SDK1: variants seen among roughly 807,000 people sequenced by gnomAD.
The protein encoded by SDK1 is sidekick cell adhesion molecule 1.
In SDK1, 157 loss-of-function variants were observed where a neutral mutation model predicts 245.5. The ratio of observed to expected loss-of-function variants is 0.64; its 90% CI spans 0.56 to 0.73. SDK1 has a LOEUF of 0.73. Ranked by LOEUF, SDK1 falls within the 30% of genes least tolerant of loss-of-function variation. SDK1 has a pLI of 0.00. For missense variants in SDK1, 3,583 were observed against 3,002.3 expected (o/e 1.19, Z -4.52); for synonymous variants, 1,647 against 1,278.5 (o/e 1.29, Z -6.15).
At chr7:3,501,132 C>A (rs1201324911) in intron 1 of SDK1, among the ~76,000 whole-genome samples, 1 of 152,134 alleles carries the variant, frequency 6.6e-6, no homozygotes, top group Non-Finnish European at 1.5e-5. Context: ...AAGTCTTGAG[C>A]ATGCAGATTA....
chr7:3,833,926 A>T (rs1204547380), intron 5 of SDK1, among the ~76,000 whole-genome samples: 1 of 152,192 alleles, frequency 6.6e-6, no homozygotes, highest in Non-Finnish European at 1.5e-5. Context: ...ATGGATATTA[A>T]GCCATGTTGC....
chr7:3,578,388 G>A (rs1314723992), intron 1 of SDK1, among the ~76,000 whole-genome samples: 1 of 151,958 alleles, frequency 6.6e-6, no homozygotes, highest in Non-Finnish European at 1.5e-5. Context: ...ACAGGACAAG[G>A]CAAAACAGAA....
At chr7:3,671,016 C>T (rs762643907) in intron 4 of SDK1, among the ~76,000 whole-genome samples, 2 of 152,148 alleles carry the variant, frequency 1.3e-5, no homozygotes, top group Non-Finnish European at 2.9e-5. Flanking sequence ...TAAAACAGTT[C>T]ATTGCATAAC....
At chr7:4,138,955 C>G (rs1779278476) in intron 28 of SDK1, among the ~76,000 whole-genome samples, 1 of 152,200 alleles carries the variant, frequency 6.6e-6, no homozygotes, top group Admixed American at 6.5e-5. Flanking sequence ...GCTGCCGGAG[C>G]CTGCTAGGTT....
chr7:3,821,119 T>C (rs1562468402), intron 4 of SDK1, among the ~76,000 whole-genome samples: 1 of 152,146 alleles, frequency 6.6e-6, no homozygotes, highest in Non-Finnish European at 1.5e-5. Context: ...TAACTGGTCT[T>C]GTTATGCATT....
intron 2 of SDK1, among the ~76,000 whole-genome samples, chr7:3,623,290 C>T (rs1348967745): frequency 2.0e-5 from 3 of 149,546 alleles, no homozygotes; most frequent in Non-Finnish European, 4.4e-5. Context: ...CTCTGTTGCC[C>T]AGGCTGATGT....
chr7:3,758,863 A>C (rs1235662135), intron 4 of SDK1, among the ~76,000 whole-genome samples: 2 of 152,198 alleles, frequency 1.3e-5, no homozygotes, highest in Non-Finnish European at 2.9e-5. Flanking sequence ...ATGTATACAC[A>C]CAAGTCTCTG....
intron 34 of SDK1, 77 bp from the exon 35 acceptor site, chr7:4,178,408 T>G: frequency 9.5e-7 from 1 of 1,052,642 alleles, no homozygotes; most frequent in Non-Finnish European, 1.5e-6. Flanking sequence ...TGCTTCATTG[T>G]GGTTCATAGG....
chr7:3,528,779 G>A (rs2128617337), intron 1 of SDK1, among the ~76,000 whole-genome samples: 1 of 152,212 alleles, frequency 6.6e-6, no homozygotes, highest in South Asian at 2.1e-4. Flanking sequence ...TTTGCCCTGA[G>A]CAATGGGGTG....
chr7:4,165,961 A>G (rs539774400), intron 32 of SDK1, among the ~76,000 whole-genome samples: 2 of 151,786 alleles, frequency 1.3e-5, no homozygotes, highest in East Asian at 2.0e-4. Context: ...TACTTCTTCA[A>G]AAAATTTCAT....
chr7:4,196,930 A>G (rs1783614490), intron 35 of SDK1, among the ~76,000 whole-genome samples: 1 of 152,262 alleles, frequency 6.6e-6, no homozygotes, highest in Non-Finnish European at 1.5e-5. Flanking sequence ...TGCTAAGGCC[A>G]TAGCTAGGAA....
intron 4 of SDK1, among the ~76,000 whole-genome samples, chr7:3,722,764 A>T (rs764485886): frequency 6.6e-6 from 1 of 152,192 alleles, no homozygotes; most frequent in Non-Finnish European, 1.5e-5. Context: ...CGGGTGGCTC[A>T]GCACCGCCCT....
chr7:4,002,489 A>T (rs1165061402), intron 14 of SDK1, among the ~76,000 whole-genome samples: 1 of 152,184 alleles, frequency 6.6e-6, no homozygotes, highest in Non-Finnish European at 1.5e-5. Context: ...AGTCTCCAAA[A>T]ACGTGAAAGT....
intron 41 of SDK1, among the ~76,000 whole-genome samples, chr7:4,235,752 G>A (rs934429984): frequency 4.0e-4 from 61 of 152,312 alleles, no homozygotes; most frequent in African/African-American, 1.4e-3. Context: ...TCCATCAGAC[G>A]CAGAGCTGGC....
At chr7:3,576,381 G>A (rs142335117) in intron 1 of SDK1, among the ~76,000 whole-genome samples, 14 of 152,074 alleles carry the variant, frequency 9.2e-5, no homozygotes, top group East Asian at 3.9e-4. Flanking sequence ...AGTGAGATAA[G>A]CTGTGTGTTA....
At chr7:3,730,765 C>G (rs1779152942) in intron 4 of SDK1, among the ~76,000 whole-genome samples, 1 of 152,128 alleles carries the variant, frequency 6.6e-6, no homozygotes, top group Non-Finnish European at 1.5e-5. Flanking sequence ...GGAAGAGCCT[C>G]AGACATAGCA....
intron 1 of SDK1, among the ~76,000 whole-genome samples, chr7:3,559,008 A>C (rs1172227688): frequency 2.0e-5 from 3 of 152,152 alleles, no homozygotes; most frequent in African/African-American, 7.2e-5. Flanking sequence ...GGAATGGCTG[A>C]TTGTTTTAAA....
chr7:3,531,906 C>A (rs1416241616), intron 1 of SDK1, among the ~76,000 whole-genome samples: 1 of 152,088 alleles, frequency 6.6e-6, no homozygotes, highest in African/African-American at 2.4e-5. Context: ...AAACTTGATT[C>A]ATTTATTTGT....
intron 1 of SDK1, among the ~76,000 whole-genome samples, chr7:3,484,256 T>TA (rs1211421442): frequency 1.3e-5 from 2 of 152,202 alleles, no homozygotes; most frequent in Non-Finnish European, 2.9e-5. Context: ...TACAGTTTTG[T>TA]AGGATTTGAA....
Sources: allele counts gnomAD v4.1 joint callset (sites outside exome capture counted in the v4.1 genomes callset), GRCh38; gene constraint gnomAD v4.1.1; transcripts MANE v1.5; gene names NCBI Gene and HGNC (gene_info 2026-07-23, HGNC 2026-07-21).